HSD17B12: variants seen among roughly 807,000 people sequenced by gnomAD.
HSD17B12 encodes the protein hydroxysteroid 17-beta dehydrogenase 12.
Under a neutral mutation model 39.3 loss-of-function variants are expected in HSD17B12, and 32 were observed. The observed-to-expected ratio is 0.81, with a 90% CI of 0.61 to 1.09. The LOEUF (loss-of-function observed/expected upper bound fraction) is 1.09. Among genes scored for constraint, HSD17B12 ranks in the 50% least tolerant of loss-of-function variants. The pLI, the probability that HSD17B12 is intolerant of heterozygous loss-of-function variation, is 0.00. For missense variants in HSD17B12, 342 were observed against 382.9 expected, an observed-to-expected ratio of 0.89 and a Z score of 0.89; for synonymous variants, 150 against 146.7, an observed-to-expected ratio of 1.02 and a Z score of -0.16.
chr11:43,846,664 C>A (rs1228964972), intron 9 of HSD17B12, among the ~76,000 whole-genome samples: 1 of 151,960 alleles, frequency 6.6e-6, no homozygotes, highest in African/African-American at 2.4e-5. Context: ...GACTTTGTCT[C>A]AAAAAAATAA....
intron 3 of HSD17B12, among the ~76,000 whole-genome samples, chr11:43,768,542 C>T (rs962965816): frequency 7.2e-5 from 11 of 152,116 alleles, no homozygotes; most frequent in Non-Finnish European, 1.5e-4. Flanking sequence ...TGTTATATAG[C>T]GCTTAAAGAT....
chr11:43,657,900 G>A, the HSD17B12 span, among the ~76,000 whole-genome samples: 1 of 152,188 alleles, frequency 6.6e-6, no homozygotes, highest in Admixed American at 6.5e-5. Context: ...TCTTCTTGAG[G>A]AGTATCTTTG....
upstream of HSD17B12, among the ~76,000 whole-genome samples, chr11:43,678,538 G>A (rs1949713068): frequency 6.6e-6 from 1 of 152,170 alleles, no homozygotes; most frequent in African/African-American, 2.4e-5. Context: ...TATTGCCTAG[G>A]TTTTCTTCTA....
the HSD17B12 span, among the ~76,000 whole-genome samples, chr11:43,592,732 A>G: frequency 6.6e-6 from 1 of 152,046 alleles, no homozygotes; most frequent in African/African-American, 2.4e-5. Context: ...GACTGTTAAT[A>G]TGCAAATTTA....
At chr11:43,768,685 C>T (rs868540649) in intron 3 of HSD17B12, among the ~76,000 whole-genome samples, 12 of 152,242 alleles carry the variant, frequency 7.9e-5, no homozygotes, top group African/African-American at 2.4e-4. Context: ...GTGGTGTGGA[C>T]CCAAAGAGTG....
chr11:43,629,188 A>G, the HSD17B12 span, among the ~76,000 whole-genome samples: 1 of 152,192 alleles, frequency 6.6e-6, no homozygotes, highest in East Asian at 1.9e-4. Context: ...AGAGAGGAAT[A>G]TCATTGGAAT....
chr11:43,599,671 C>G, the HSD17B12 span, among the ~76,000 whole-genome samples: 1 of 152,136 alleles, frequency 6.6e-6, no homozygotes, highest in South Asian at 2.1e-4. Flanking sequence ...CTTGTTTTCA[C>G]TTTTAAAGAT....
chr11:43,662,199 CTTTT>C, the HSD17B12 span, among the ~76,000 whole-genome samples: 6 of 124,746 alleles, frequency 4.8e-5, no homozygotes, highest in Non-Finnish European at 5.2e-5. Context: ...GCCCACGTCT[CTTTT>C]TTTTTTTTTT....
chr11:43,804,555 C>T (rs1951000951), intron 4 of HSD17B12, among the ~76,000 whole-genome samples: 1 of 152,180 alleles, frequency 6.6e-6, no homozygotes, highest in African/African-American at 2.4e-5. Context: ...ACTTGCTCCA[C>T]TAATGTTCTT....
At chr11:43,597,720 G>A in the HSD17B12 span, among the ~76,000 whole-genome samples, 1 of 151,958 alleles carries the variant, frequency 6.6e-6, no homozygotes, top group African/African-American at 2.4e-5. Flanking sequence ...ATCTTGGCTC[G>A]CTGCAACCTC....
chr11:43,739,271 G>T (rs1423524588), intron 1 of HSD17B12, among the ~76,000 whole-genome samples: 1 of 152,128 alleles, frequency 6.6e-6, no homozygotes, highest in Non-Finnish European at 1.5e-5. Flanking sequence ...TTCTGTATGA[G>T]GTTCTAAGTT....
At chr11:43,756,966 A>C (rs568382680) in intron 3 of HSD17B12, among the ~76,000 whole-genome samples, 22 of 152,344 alleles carry the variant, frequency 1.4e-4, no homozygotes, top group African/African-American at 5.3e-4. Context: ...CCTTGTTAAA[A>C]TTTTTGAAAA....
chr11:43,750,264 T>C (rs960858514), intron 1 of HSD17B12, among the ~76,000 whole-genome samples: 12 of 152,282 alleles, frequency 7.9e-5, no homozygotes, highest in African/African-American at 2.9e-4. Context: ...ATAACCAGTA[T>C]TCTGACTTCT....
chr11:43,766,698 TAGTA>T (rs1360198174), intron 3 of HSD17B12, among the ~76,000 whole-genome samples: 2 of 152,200 alleles, frequency 1.3e-5, no homozygotes, highest in Non-Finnish European at 2.9e-5. Context: ...TGTGGGCACT[TAGTA>T]AGTATTGTTT....
chr11:43,731,099 C>A (rs988262025), intron 1 of HSD17B12, among the ~76,000 whole-genome samples: 1 of 151,994 alleles, frequency 6.6e-6, no homozygotes, highest in Non-Finnish European at 1.5e-5. Flanking sequence ...CGGGTTCAAG[C>A]GATTCTCCTG....
intron 1 of HSD17B12, among the ~76,000 whole-genome samples, chr11:43,745,088 G>T (rs972814143): frequency 1.3e-5 from 2 of 152,144 alleles, no homozygotes; most frequent in Non-Finnish European, 2.9e-5. Flanking sequence ...GGATCTGGCT[G>T]GTGCACTAAC....
At chr11:43,690,505 G>T (rs1256392929) in intron 1 of HSD17B12, among the ~76,000 whole-genome samples, 1 of 146,716 alleles carries the variant, frequency 6.8e-6, no homozygotes, top group Non-Finnish European at 1.5e-5. Flanking sequence ...CTCCTGAGTT[G>T]CTGGGACTAT....
chr11:43,620,287 C>T, the HSD17B12 span, among the ~76,000 whole-genome samples: 2 of 152,146 alleles, frequency 1.3e-5, no homozygotes, highest in East Asian at 1.9e-4. Context: ...TTATTATCAT[C>T]CCCATTTTAT....
At chr11:43,596,268 T>C in the HSD17B12 span, among the ~76,000 whole-genome samples, 3 of 152,034 alleles carry the variant, frequency 2.0e-5, no homozygotes, top group African/African-American at 7.3e-5. Flanking sequence ...GAGAGAACTG[T>C]GATTTAGTGG....
Sources: allele counts gnomAD v4.1 joint callset (sites outside exome capture counted in the v4.1 genomes callset), GRCh38; gene constraint gnomAD v4.1.1; transcripts MANE v1.5; gene names NCBI Gene and HGNC (gene_info 2026-07-23, HGNC 2026-07-21).